VWDE: variants seen among roughly 807,000 people sequenced by gnomAD.
VWDE encodes von Willebrand factor D and EGF domains.
In VWDE, 207 loss-of-function variants were observed where a neutral mutation model predicts 178.4. The ratio of observed to expected loss-of-function variants is 1.16; its 90% CI spans 1.04 to 1.30. VWDE has a LOEUF of 1.30. Among genes scored for constraint, VWDE ranks in the 50% most tolerant of loss-of-function variants. VWDE has a pLI of 0.00. For missense variants in VWDE, 2,287 were observed against 1,901.3 expected, an observed-to-expected ratio of 1.20 and a Z score of -3.77; for synonymous variants, 738 against 651.4, an observed-to-expected ratio of 1.13 and a Z score of -2.02.
chr7:12,341,909 G>C lies in VWDE; in HGVS notation c.4270+150C>G, dbSNP rs1353665790. ...AAAAACAAAGGGAATGAAGATGAAAGAGTTTTAAAAATCTGTCTGAAATAA... is the reference window on the plus strand; with the variant it reads ...AAAAACAAAGGGAATGAAGATGAAACAGTTTTAAAAATCTGTCTGAAATAA... On this transcript the variant is annotated intron_variant, in intron 23 of 28. Coordinates refer to ENST00000275358, the MANE Select transcript of VWDE (RefSeq NM_001135924.3). 3 of 558,526 alleles carry C rather than the reference G, an allele frequency of 5.4e-6. No individual in the cohort carries two copies. The African/African-American group carries it at 5.6e-5, about 10-fold the overall frequency. The allele number at this position is 558,526 out of a possible 1,614,324, so 34.6% of individuals were successfully genotyped here.
intron 18 of VWDE, among the ~76,000 whole-genome samples, chr7:12,355,411 G>A (rs1206381120): frequency 7.4e-5 from 5 of 67,384 alleles, no homozygotes; most frequent in African/African-American, 2.5e-4. Context: ...GTGAAACTCC[G>A]TCTCAAAAAA....
At chr7:12,391,914 C>T (rs1784408270) in intron 2 of VWDE, among the ~76,000 whole-genome samples, 1 of 152,122 alleles carries the variant, frequency 6.6e-6, no homozygotes, top group Non-Finnish European at 1.5e-5. Flanking sequence ...AGAAAATCGA[C>T]TTTAAGAATG....
At chr7:12,343,594 T>C (rs1051618042) in intron 21 of VWDE, among the ~76,000 whole-genome samples, 50 of 152,264 alleles carry the variant, frequency 3.3e-4, no homozygotes, top group African/African-American at 1.2e-3. Context: ...ATAAAAACAT[T>C]TAACATGGCT....
rs1273335157 is a variant in VWDE, at chr7:12,351,724, G to C, written c.3746-11C>G. On this transcript the variant is annotated splice_polypyrimidine_tract_variant and intron_variant, in intron 18 of 28. Transcript: ENST00000275358. Reference sequence around the variant, plus strand: ...CAAACTGTGTTTCAACTGTAAATGAGAACAAGGAAAACAGATTAGACTTAA... The same window carrying C: ...CAAACTGTGTTTCAACTGTAAATGACAACAAGGAAAACAGATTAGACTTAA... The C allele has an allele frequency of 6.5e-7, 1 of 1,533,626 alleles. No homozygotes were observed.
chr7:12,342,069 G>T lies in VWDE; in HGVS notation c.4260C>A (p.Thr1420=), dbSNP rs1219570979. The change falls in exon 23 of 29, where the codon ACC becomes ACA. Residue 1420 remains threonine, a synonymous_variant. Transcript: ENST00000275358. ...CQCKPGWYGP[T]CSTALCDPVC... ...TATTTCCAATTTTACCTGTACTACA[G>T]GTGGGTCCATACCAGCCAGGTTTGC... The T allele has an allele frequency of 1.3e-6, 2 of 1,550,914 alleles. No homozygotes were observed. Among genetic ancestry groups the T allele is most frequent in the Non-Finnish European group, 1.7e-6 (2 of 1,146,590 alleles).
Position 12,370,739 on chromosome 7 carries a change from A to G in VWDE, c.1713T>C (p.Asn571=). The G allele has an allele frequency of 6.4e-7, 1 of 1,551,198 alleles. No individual in the cohort carries two copies. Among genetic ancestry groups the G allele is most frequent in the Non-Finnish European group, 8.7e-7 (1 of 1,146,708 alleles). ...TTTTGTCATGGAAATCATTTTCCGG[A>G]TTTTCATCAAAGGTTCCACAAAGTC... ...TLGLCGTFDE[N]PENDFHDKNG... The change falls in exon 11 of 29, where the codon AAT becomes AAC. Residue 571 remains asparagine, a synonymous_variant. Coordinates refer to ENST00000275358, the MANE Select transcript of VWDE (RefSeq NM_001135924.3).
At chr7:12,346,613 T>C (rs111260244) in intron 19 of VWDE, among the ~76,000 whole-genome samples, 14 of 139,970 alleles carry the variant, frequency 1.0e-4, no homozygotes, top group African/African-American at 3.7e-4. Context: ...CACATCTTTT[T>C]GGCGGGGGCG....
intron 7 of VWDE, 62 bp downstream of exon 7, chr7:12,377,714 A>G (rs1251585793): frequency 8.9e-6 from 10 of 1,126,258 alleles, no homozygotes; most frequent in Middle Eastern, 3.0e-4. Context: ...CTTTTCCTAC[A>G]GGAAAAAAAA....
At chr7:12,337,755 A>T (rs1781121993) in intron 24 of VWDE, among the ~76,000 whole-genome samples, 1 of 152,108 alleles carries the variant, frequency 6.6e-6, no homozygotes, top group South Asian at 2.1e-4. Flanking sequence ...TATTCCAGAG[A>T]ATGCTTGGTA....
At chr7:12,387,196 T>C (rs907255416) in intron 3 of VWDE, among the ~76,000 whole-genome samples, 4 of 152,174 alleles carry the variant, frequency 2.6e-5, no homozygotes, top group Non-Finnish European at 2.9e-5. Context: ...TATAATCATG[T>C]AAAGTAGACA....
chr7:12,401,785 C>A (rs1209014405), intron 1 of VWDE, among the ~76,000 whole-genome samples: 5 of 152,072 alleles, frequency 3.3e-5, no homozygotes, highest in African/African-American at 4.8e-5. Flanking sequence ...TATTTCCACT[C>A]CTAGGCATAT....
intron 18 of VWDE, among the ~76,000 whole-genome samples, chr7:12,355,370 G>C (rs1002958555): frequency 2.6e-5 from 4 of 151,026 alleles, no homozygotes; most frequent in South Asian, 2.1e-4. Flanking sequence ...GAGCTGAGAC[G>C]GCGCCACTGC....
At chr7:12,343,031 C>A in intron 22 of VWDE, 52 bp downstream of exon 22, 2 of 1,346,220 alleles carry the variant, frequency 1.5e-6, no homozygotes, top group Non-Finnish European at 2.1e-6. Flanking sequence ...AGGCCATCAA[C>A]TATTCAAAGA....
chr7:12,382,114 TA>T (rs1783881292), intron 4 of VWDE, among the ~76,000 whole-genome samples: 1 of 151,898 alleles, frequency 6.6e-6, no homozygotes, highest in Non-Finnish European at 1.5e-5. Flanking sequence ...CATGAAGCTT[TA>T]TTGACTTTTG....
chr7:12,372,310 T>C (rs1583319840), intron 10 of VWDE, among the ~76,000 whole-genome samples: 1 of 152,036 alleles, frequency 6.6e-6, no homozygotes, highest in South Asian at 2.1e-4. Context: ...TTTTCAGTGA[T>C]GGAATTCAAA....
At chr7:12,364,760 T>G (rs1782769305) in intron 13 of VWDE, among the ~76,000 whole-genome samples, 1 of 152,120 alleles carries the variant, frequency 6.6e-6, no homozygotes, top group African/African-American at 2.4e-5. Context: ...ATGCTAAAAT[T>G]AGGAAGAAAA....
chr7:12,358,382 A>AC (rs1782385581), intron 16 of VWDE, among the ~76,000 whole-genome samples: 1 of 149,524 alleles, frequency 6.7e-6, no homozygotes, highest in South Asian at 2.1e-4. Context: ...TCAAAAAATA[A>AC]AAGGTGGGGG....
intron 26 of VWDE, among the ~76,000 whole-genome samples, chr7:12,336,445 T>C (rs758144080): frequency 1.5e-4 from 23 of 152,248 alleles, no homozygotes; most frequent in Non-Finnish European, 2.2e-4. Flanking sequence ...AAATGTTCCA[T>C]TGTTTGAATG....
intron 1 of VWDE, among the ~76,000 whole-genome samples, chr7:12,401,507 A>G (rs1214873240): frequency 6.6e-6 from 1 of 152,174 alleles, no homozygotes. Context: ...ATTTCTCTGA[A>G]GAGAATAAGC....
Sources: allele counts gnomAD v4.1 joint callset (sites outside exome capture counted in the v4.1 genomes callset), GRCh38; gene constraint gnomAD v4.1.1; transcripts MANE v1.5; gene names NCBI Gene and HGNC (gene_info 2026-07-23, HGNC 2026-07-21).